The following CLTCL1 variants were observed in gnomAD, a reference collection of about 807,000 sequenced individuals.
CLTCL1 encodes clathrin heavy chain like 1.
A neutral mutation model predicts 190.0 loss-of-function variants in CLTCL1; 159 were observed. That is an observed-to-expected ratio of 0.84 (90% CI 0.74 to 0.95). The LOEUF (loss-of-function observed/expected upper bound fraction) is 0.95. Ranked by LOEUF, CLTCL1 falls within the 40% of genes least tolerant of loss-of-function variation. The pLI is 0.00. For missense variants in CLTCL1, 1,878 were observed against 2,033.4 expected, an observed-to-expected ratio of 0.92 and a Z score of 1.47; for synonymous variants, 752 against 769.6, an observed-to-expected ratio of 0.98 and a Z score of 0.38.
chr22:19,201,599 G>A lies in CLTCL1; in HGVS notation c.3601-106C>T, dbSNP rs371373841. The stretch of plus-strand genomic sequence containing the variant: ...CAGAGGTATTTTTCTGTTTGCTAGG[G>A]TGGTAAGCATCTTTCTGATCGCACC... On this transcript the variant is annotated intron_variant, in intron 22 of 32. Coordinates refer to ENST00000427926, the MANE Select transcript of CLTCL1 (RefSeq NM_007098.4). 33 of 1,225,398 alleles carry A rather than the reference G, an allele frequency of 2.7e-5. No individual in the cohort carries two copies. The East Asian group carries it at 4.0e-4, about 15-fold the overall frequency. 75.9% of individuals were successfully genotyped at this position (1,225,398 alleles called of 1,614,324 possible). A position where few individuals can be genotyped will look rare whatever the true frequency, so the allele number is the denominator to read the frequency against.
At chr22:19,192,792 A>G (rs1308566591) in intron 26 of CLTCL1, among the ~76,000 whole-genome samples, 3 of 152,180 alleles carry the variant, frequency 2.0e-5, no homozygotes, top group African/African-American at 4.8e-5. Flanking sequence ...ATGGATTCAG[A>G]GCAAAACGGT....
chr22:19,222,891 G>A (rs1384033827), intron 14 of CLTCL1, 82 bp from the exon 15 acceptor site: 17 of 1,506,114 alleles, frequency 1.1e-5, no homozygotes, highest in Admixed American at 6.0e-5. Context: ...CACATGGGAC[G>A]GCTCTGTCTC....
chr22:19,238,121 C>G (rs1323462055), intron 5 of CLTCL1, among the ~76,000 whole-genome samples: 3 of 151,898 alleles, frequency 2.0e-5, no homozygotes, highest in Non-Finnish European at 4.4e-5. Context: ...AAGTCTTGCT[C>G]CAGGCCGCGG....
rs782143147 is a variant in CLTCL1, at chr22:19,226,259, A to G, written c.1907T>C (p.Ile636Thr). Residue 636 changes from isoleucine (I) to threonine (T), a missense_variant, in exon 12 of 33, where the codon ATC becomes ACC. Physicochemically the swap from Ile to Thr is moderately conservative, Grantham distance 89 (BLOSUM62 -1). Coordinates refer to ENST00000427926, the MANE Select transcript of CLTCL1 (RefSeq NM_007098.4). ...GTGAGTGTGGACCACAGCCCTCTTG[A>G]TGTCATAGAGGTCGGTGTAGTGCTC... Reference protein sequence around the residue: ...ALEHYTDLYDIKRAVVHTHLL... With the variant: ...ALEHYTDLYDTKRAVVHTHLL... 1 of 1,613,982 alleles carries G rather than the reference A, an allele frequency of 6.2e-7. No individual in the cohort carries two copies. Among genetic ancestry groups the G allele is most frequent in the Admixed American group, 1.7e-5 (1 of 60,020 alleles).
At chr22:19,275,414 G>A (rs1487158603) in intron 2 of CLTCL1, among the ~76,000 whole-genome samples, 5 of 151,338 alleles carry the variant, frequency 3.3e-5, no homozygotes, top group African/African-American at 4.9e-5. Context: ...TGTGTCTGGC[G>A]CTGTGGGTGA....
chr22:19,229,407 G>A (rs1273253974), intron 11 of CLTCL1, among the ~76,000 whole-genome samples: 1 of 152,146 alleles, frequency 6.6e-6, no homozygotes, highest in Admixed American at 6.5e-5. Context: ...AGACAGATTA[G>A]AATGGCAGTT....
chr22:19,188,914 C>A lies in CLTCL1; in HGVS notation c.4324-823G>T, dbSNP rs149037723. Among the ~76,000 whole-genome samples, 700 of 151,740 alleles carry A rather than the reference C, an allele frequency of 4.6e-3. 7 individuals carry two copies. Among genetic ancestry groups the A allele is most frequent in the African/African-American group, 0.016 (652 of 41,398 alleles). ...ACAGGCATGAGCCACTGCGCCCAGCCGGCAATTTCTTTCCTTCTTTTTTTT... is the reference window on the plus strand; with the variant it reads ...ACAGGCATGAGCCACTGCGCCCAGCAGGCAATTTCTTTCCTTCTTTTTTTT... On this transcript the variant is annotated intron_variant, in intron 27 of 32. Coordinates refer to ENST00000427926, the MANE Select transcript of CLTCL1 (RefSeq NM_007098.4).
chr22:19,274,148 C>T (rs1555981983), intron 2 of CLTCL1, among the ~76,000 whole-genome samples: 1 of 152,108 alleles, frequency 6.6e-6, no homozygotes, highest in African/African-American at 2.4e-5. Flanking sequence ...AAACAACATG[C>T]TAAATAAGGC....
intron 26 of CLTCL1, among the ~76,000 whole-genome samples, chr22:19,194,476 C>T (rs930068715): frequency 1.3e-5 from 2 of 152,038 alleles, no homozygotes; most frequent in East Asian, 1.9e-4. Flanking sequence ...AGTGAGACTC[C>T]GTTTCAAGAA....
At chr22:19,214,477 T>C (rs2085324630) in intron 19 of CLTCL1, among the ~76,000 whole-genome samples, 1 of 152,134 alleles carries the variant, frequency 6.6e-6, no homozygotes, top group African/African-American at 2.4e-5. Flanking sequence ...TAATTTTTTG[T>C]TGGTTGTGTT....
Position 19,210,626 on chromosome 22 carries a change from C to T in CLTCL1, c.3066-117G>A, listed in dbSNP as rs1327483776. On this transcript the variant is annotated intron_variant, in intron 19 of 32. Transcript: ENST00000427926. ...TTTTTAAAAAAGTAATTAATATACA[C>T]ACACATAACTGCTAAGTAAATACAA... 1.6e-5 allele frequency: 11 copies of T among 684,108 alleles called. No homozygotes were observed. In the African/African-American group the frequency reaches 1.6e-4, roughly 10 times the overall value. The allele number at this position is 684,108 out of a possible 1,614,324, so 42.4% of individuals were successfully genotyped here. A position where few individuals can be genotyped will look rare whatever the true frequency, so the allele number is the denominator to read the frequency against.
At chr22:19,281,062 G>A (rs1162890412) in intron 1 of CLTCL1, among the ~76,000 whole-genome samples, 23 of 151,512 alleles carry the variant, frequency 1.5e-4, no homozygotes, top group African/African-American at 4.8e-5. Context: ...AGGCCGAGGC[G>A]GGCAGATCAC....
intron 2 of CLTCL1, among the ~76,000 whole-genome samples, chr22:19,275,268 G>C (rs868928053): frequency 1.3e-5 from 2 of 152,082 alleles, no homozygotes; most frequent in African/African-American, 2.4e-5. Context: ...AGCCTGTGTC[G>C]TCGGATGACC....
chr22:19,261,907 A>G (rs1400810436), intron 2 of CLTCL1, among the ~76,000 whole-genome samples: 1 of 152,260 alleles, frequency 6.6e-6, no homozygotes, highest in African/African-American at 2.4e-5. Flanking sequence ...TTCTGGAAGA[A>G]GTCTACTGTG....
chr22:19,220,022 C>T lies in CLTCL1; in HGVS notation c.2797-15G>A, dbSNP rs915053069. On this transcript the variant is annotated splice_polypyrimidine_tract_variant and intron_variant, in intron 17 of 32. Transcript: ENST00000427926. ...TCATTGCACACCTGAAATGAGCACA[C>T]TCATGTGTGTGACACAGCAGCCAAC... is the stretch of plus-strand genomic sequence containing the variant. 30 of 1,613,752 alleles carry T rather than the reference C, an allele frequency of 1.9e-5. No individual in the cohort carries two copies. In the Admixed American group the frequency reaches 4.2e-4, roughly 22 times the overall value.
At chr22:19,210,767 CT>C (rs1555946282) in intron 19 of CLTCL1, among the ~76,000 whole-genome samples, 1 of 152,132 alleles carries the variant, frequency 6.6e-6, no homozygotes, top group Non-Finnish European at 1.5e-5. Flanking sequence ...GCTGCTGTGG[CT>C]TTTTAGAGCC....
chr22:19,233,984 G>A (rs1315754765), intron 7 of CLTCL1, among the ~76,000 whole-genome samples: 2 of 152,122 alleles, frequency 1.3e-5, no homozygotes, highest in Non-Finnish European at 2.9e-5. Context: ...ACTACCCCTT[G>A]AAAGACAAGA....
intron 18 of CLTCL1, among the ~76,000 whole-genome samples, chr22:19,218,784 C>T (rs900444942): frequency 1.3e-5 from 2 of 152,214 alleles, no homozygotes; most frequent in African/African-American, 2.4e-5. Flanking sequence ...CTGTGGGAAG[C>T]CCTCCCAGAG....
At chr22:19,209,314 G>C (rs1040987985) in intron 20 of CLTCL1, 200 bp from the exon 21 acceptor site, 2 of 489,270 alleles carry the variant, frequency 4.1e-6, no homozygotes, top group Non-Finnish European at 7.2e-6. Flanking sequence ...GGGGGATGCC[G>C]AACAAAGAAG....
Sources: gnomAD v4.1 joint callset for allele counts (sites outside exome capture counted in the v4.1 genomes callset) on GRCh38, gnomAD v4.1.1 for gene constraint, MANE v1.5 for transcripts, NCBI Gene and HGNC (gene_info 2026-07-23, HGNC 2026-07-21) for gene names.